The following NT5DC3 variants were observed in gnomAD, a reference collection of about 807,000 sequenced individuals.
The protein encoded by NT5DC3 is 5'-nucleotidase domain containing 3, also known as 5'-nucleotidase domain-containing protein 3.
A neutral mutation model predicts 67.8 loss-of-function variants in NT5DC3; 42 were observed. The observed-to-expected ratio is 0.62, with a 90% CI of 0.48 to 0.80. NT5DC3 has a LOEUF of 0.80. NT5DC3 is among the 30% of genes least tolerant of loss of function. The pLI, the probability that NT5DC3 is intolerant of heterozygous loss-of-function variation, is 0.00. For synonymous variants in NT5DC3, 237 were observed against 255.6 expected, an observed-to-expected ratio of 0.93 and a Z score of 0.69; for missense variants, 570 against 696.4, an observed-to-expected ratio of 0.82 and a Z score of 2.04.
chr12:103,830,141 C>T (rs967356540), intron 1 of NT5DC3, among the ~76,000 whole-genome samples: 38 of 152,190 alleles, frequency 2.5e-4, no homozygotes, highest in African/African-American at 8.4e-4. Flanking sequence ...TCATTTAAAC[C>T]TACCAATCCT....
chr12:103,777,794 CAG>C lies in NT5DC3; in HGVS notation c.*33_*34del. 1.3e-6 allele frequency: 2 copies of C among 1,583,914 alleles called. No individual in the cohort carries two copies. The highest frequency in any genetic ancestry group is 1.7e-6 in the Non-Finnish European group (2 of 1,166,268). ...GTCAACCCCATCATGCCTGCCCAAT[CAG>C]GGGCAGTTACAGTTTCTAGTTTTTG... is the stretch of plus-strand genomic sequence containing the variant. On this transcript the variant is annotated 3_prime_UTR_variant, in exon 14 of 14. Coordinates refer to ENST00000392876, the MANE Select transcript of NT5DC3 (RefSeq NM_001031701.3).
Position 103,835,561 on chromosome 12 carries a change from C to T in NT5DC3, c.208+5388G>A, listed in dbSNP as rs189804961. 5.8e-4 allele frequency among the ~76,000 whole-genome samples: 88 copies of T among 152,220 alleles called. 1 individual carries two copies. The highest frequency in any genetic ancestry group is 3.5e-4 in the Non-Finnish European group (24 of 68,018). The stretch of plus-strand genomic sequence containing the variant: ...GGCACCGCCCTAATCACAAGGAGAC[C>T]CAGACTCTAGAGCTAAATAACCCAC... On this transcript the variant is annotated intron_variant, in intron 1 of 13. Transcript: ENST00000392876.
chr12:103,766,002 T>C (rs1265087923), downstream of NT5DC3: 1 of 571,394 alleles, frequency 1.8e-6, no homozygotes, highest in South Asian at 1.6e-5. Context: ...CCTACCTCCC[T>C]GTGAGGTATA....
chr12:103,752,028 C>T, the NT5DC3 span, among the ~76,000 whole-genome samples: 20 of 152,186 alleles, frequency 1.3e-4, no homozygotes, highest in African/African-American at 4.3e-4. Flanking sequence ...GATTTGCAGC[C>T]GATTTGGTAA....
chr12:103,838,587 G>A (rs1888248216), intron 1 of NT5DC3, among the ~76,000 whole-genome samples: 1 of 152,238 alleles, frequency 6.6e-6, no homozygotes, highest in Non-Finnish European at 1.5e-5. Context: ...TTGGCATTTA[G>A]AGAAATGAAA....
At chr12:103,824,988 A>C (rs146721321) in intron 1 of NT5DC3, among the ~76,000 whole-genome samples, 1 of 152,302 alleles carries the variant, frequency 6.6e-6, no homozygotes, top group African/African-American at 2.4e-5. Context: ...GGGGATTATA[A>C]ATACAGAGCA....
intron 12 of NT5DC3, among the ~76,000 whole-genome samples, chr12:103,784,214 G>A (rs1346132770): frequency 6.6e-6 from 1 of 152,190 alleles, no homozygotes; most frequent in Non-Finnish European, 1.5e-5. Context: ...CACTAACTCA[G>A]AATTGACACT....
rs59680009 is a variant in NT5DC3 at position 103,776,674 on chromosome 12, C to CAAAAA, written c.*1150_*1154dup. ...ACATCTAAAAAAAAACAAAACAAAA[C>CAAAAA]AAAAAAAAAAAAAACAAACTACACA... On this transcript the variant is annotated 3_prime_UTR_variant, in exon 14 of 14. Transcript: ENST00000392876. 17 of 134,772 alleles carry CAAAAA rather than the reference C, an allele frequency of 1.3e-4. No homozygotes were observed. Among genetic ancestry groups the CAAAAA allele is most frequent in the Middle Eastern group, 3.8e-3 (1 of 262 alleles). The allele number at this position is 134,772 out of a possible 1,614,324, so 8.3% of individuals were successfully genotyped here.
downstream of NT5DC3, chr12:103,766,753 A>T (rs1884992429): frequency 6.2e-6 from 1 of 160,526 alleles, no homozygotes; most frequent in Non-Finnish European, 1.4e-5. Flanking sequence ...TTGGGACTGC[A>T]CCAGAGGAGG....
the NT5DC3 span, chr12:103,748,870 A>T: frequency 7.5e-7 from 1 of 1,339,790 alleles, no homozygotes; most frequent in Non-Finnish European, 1.0e-6. Flanking sequence ...TACTCACCCA[A>T]CACCACTAGT....
At chr12:103,778,392 G>A (rs775894335) in intron 13 of NT5DC3, among the ~76,000 whole-genome samples, 2 of 152,158 alleles carry the variant, frequency 1.3e-5, no homozygotes, top group African/African-American at 2.4e-5. Context: ...TTGGCCAGGC[G>A]TGGTGGCGCA....
intron 1 of NT5DC3, among the ~76,000 whole-genome samples, chr12:103,821,193 T>A (rs1436824270): frequency 6.6e-6 from 1 of 151,806 alleles, no homozygotes; most frequent in Non-Finnish European, 1.5e-5. Flanking sequence ...GTTGTGGGGG[T>A]CCCCCAGTAG....
At chr12:103,757,445 G>T in the NT5DC3 span, among the ~76,000 whole-genome samples, 1 of 152,196 alleles carries the variant, frequency 6.6e-6, no homozygotes, top group South Asian at 2.1e-4. Context: ...GAACAAGCAA[G>T]CAAACAATAA....
rs1885273657 is a variant in NT5DC3, at chr12:103,774,467, A to T, written c.*3362T>A. 1 of 152,176 alleles carries T rather than the reference A, an allele frequency of 6.6e-6. No homozygotes were observed. The highest frequency in any genetic ancestry group is 2.4e-5 in the African/African-American group (1 of 41,424). The allele number at this position is 152,176 out of a possible 1,614,324, so 9.4% of individuals were successfully genotyped here. ...GAGGCCAAGGCAGGTGGATTACCCA[A>T]GGTCAGGAGTTCGAGACCAGCCTGG... On this transcript the variant is annotated 3_prime_UTR_variant, in exon 14 of 14. Transcript: ENST00000392876.
rs192627275 is a variant in NT5DC3, at chr12:103,815,834, G to A, written c.209-713C>T. On this transcript the variant is annotated intron_variant, in intron 1 of 13. Coordinates refer to ENST00000392876, the MANE Select transcript of NT5DC3 (RefSeq NM_001031701.3). ...CCTCAATAAAAGAACATTTGCTACCGAAAAGAACATTTGCTTCAACATCAC... is the reference window on the plus strand; with the variant it reads ...CCTCAATAAAAGAACATTTGCTACCAAAAAGAACATTTGCTTCAACATCAC... 4.9e-3 allele frequency among the ~76,000 whole-genome samples: 750 copies of A among 152,104 alleles called. 2 individuals carry two copies. Among genetic ancestry groups the A allele is most frequent in the Non-Finnish European group, 8.2e-3 (560 of 67,980 alleles).
intron 1 of NT5DC3, among the ~76,000 whole-genome samples, chr12:103,834,393 C>A (rs1419674592): frequency 6.6e-6 from 1 of 152,138 alleles, no homozygotes; most frequent in Non-Finnish European, 1.5e-5. Context: ...GTAACCAGTA[C>A]TCCTCAAAAC....
At chr12:103,753,240 C>T in the NT5DC3 span, 3 of 1,614,076 alleles carry the variant, frequency 1.9e-6, no homozygotes, top group Non-Finnish European at 2.5e-6. Flanking sequence ...TGGGGTGTTC[C>T]ATCTACGCTC....
At chr12:103,780,866 T>G (rs1274745120) in intron 12 of NT5DC3, among the ~76,000 whole-genome samples, 1 of 152,236 alleles carries the variant, frequency 6.6e-6, no homozygotes, top group Admixed American at 6.5e-5. Context: ...TGTCAAAGTA[T>G]GTGCTTACAT....
chr12:103,816,310 T>C (rs146001505), intron 1 of NT5DC3, among the ~76,000 whole-genome samples: 2 of 152,252 alleles, frequency 1.3e-5, no homozygotes, highest in South Asian at 4.1e-4. Flanking sequence ...TGGACTATCA[T>C]GTCAGCATGC....
Sources: allele counts gnomAD v4.1 joint callset (sites outside exome capture counted in the v4.1 genomes callset), GRCh38; gene constraint gnomAD v4.1.1; transcripts MANE v1.5; gene names NCBI Gene and HGNC (gene_info 2026-07-23, HGNC 2026-07-21).